Variants in ROBO1 observed in about 807,000 individuals in gnomAD.
ROBO1 encodes the protein roundabout homolog 1.
A neutral mutation model predicts 195.9 loss-of-function variants in ROBO1; 149 were observed. That is an observed-to-expected ratio of 0.76 (90% CI 0.67 to 0.87). The LOEUF is 0.87. Among genes scored for constraint, ROBO1 ranks in the 40% least tolerant of loss-of-function variants. ROBO1 has a pLI of 0.00. For missense variants in ROBO1, 1,933 were observed against 2,068.3 expected (o/e 0.93, Z 1.27); for synonymous variants, 816 against 733.2 (o/e 1.11, Z -1.82).
intron 1 of ROBO1, among the ~76,000 whole-genome samples, chr3:79,691,308 G>C (rs1341064200): frequency 6.6e-6 from 1 of 151,614 alleles, no homozygotes; most frequent in Non-Finnish European, 1.5e-5. Context: ...CAATATTCCA[G>C]GTCCCCAAAG....
At chr3:79,757,638 T>A (rs1411452331) in intron 1 of ROBO1, among the ~76,000 whole-genome samples, 2 of 152,080 alleles carry the variant, frequency 1.3e-5, no homozygotes, top group Non-Finnish European at 2.9e-5. Context: ...ATGATTGTGC[T>A]ACTGCATTTC....
At chr3:78,938,346 C>T in intron 4 of ROBO1, 1 of 424,310 alleles carries the variant, frequency 2.4e-6, no homozygotes, top group Non-Finnish European at 4.3e-6. Flanking sequence ...TTTAATAAAA[C>T]TTTCCAACAG....
In ROBO1 at chr3:78,657,112, TGA is replaced by T. The variant is rs1473866542; in HGVS notation, c.2598_2599del (p.Gln867ValfsTer14). 1 of 1,608,794 alleles carries T rather than the reference TGA, an allele frequency of 6.2e-7. No homozygotes were observed. Among genetic ancestry groups the T allele is most frequent in the Non-Finnish European group, 8.5e-7 (1 of 1,177,606 alleles). On this transcript the variant is annotated frameshift_variant, in exon 18 of 31. Coordinates refer to ENST00000464233, the MANE Select transcript of ROBO1 (RefSeq NM_002941.4). LOFTEE classifies it high-confidence loss of function. ...CTGACACTCACCCAGCTGGATGAAC[TGA>T]GGCTCACTCTTTACCCCAGACCCAG...
At chr3:79,022,024 G>A (rs1453399815) in intron 3 of ROBO1, among the ~76,000 whole-genome samples, 1 of 152,140 alleles carries the variant, frequency 6.6e-6, no homozygotes, top group African/African-American at 2.4e-5. Flanking sequence ...CTTTTGGCCA[G>A]CCCCCTGATG....
chr3:79,201,816 T>C (rs1207545327), intron 2 of ROBO1, among the ~76,000 whole-genome samples: 4 of 151,514 alleles, frequency 2.6e-5, no homozygotes, highest in Non-Finnish European at 5.9e-5. Flanking sequence ...ATTCACATAC[T>C]AGGTATTATT....
At chr3:78,863,847 G>T (rs1271195767) in intron 4 of ROBO1, among the ~76,000 whole-genome samples, 2 of 152,282 alleles carry the variant, frequency 1.3e-5, no homozygotes, top group South Asian at 4.1e-4. Context: ...ATCATTTTTG[G>T]TGAGTGCTAG....
intron 1 of ROBO1, among the ~76,000 whole-genome samples, chr3:79,701,854 T>C (rs60624565): frequency 0.014 from 2,083 of 151,922 alleles, 41 homozygotes; most frequent in African/African-American, 0.047. Flanking sequence ...GGATATATTA[T>C]ATCAAATATA....
chr3:79,259,504 T>C (rs755618840), intron 2 of ROBO1, among the ~76,000 whole-genome samples: 39 of 152,244 alleles, frequency 2.6e-4, no homozygotes, highest in South Asian at 2.1e-4. Flanking sequence ...AGCCATCCCA[T>C]TGTGCTATCA....
At chr3:79,720,792 AT>A (rs36105372) in intron 1 of ROBO1, among the ~76,000 whole-genome samples, 76,624 of 142,782 alleles carry the variant, frequency 0.54, 20,512 homozygotes, top group African/African-American at 0.59. Context: ...GGAGTTGCTA[AT>A]TTTTTTTTTT....
intron 29 of ROBO1, among the ~76,000 whole-genome samples, chr3:78,605,008 T>A (rs1703384243): frequency 3.9e-5 from 6 of 152,158 alleles, no homozygotes; most frequent in South Asian, 4.1e-4. Context: ...TTCCTCCTCA[T>A]CCCAAACTTC....
chr3:78,667,115 C>T (rs1707782027), intron 14 of ROBO1, among the ~76,000 whole-genome samples: 2 of 151,866 alleles, frequency 1.3e-5, no homozygotes, highest in African/African-American at 4.8e-5. Context: ...GGGTTGTAAT[C>T]TAAAAATTCA....
intron 2 of ROBO1, among the ~76,000 whole-genome samples, chr3:79,258,990 A>G (rs918241168): frequency 1.3e-5 from 2 of 152,180 alleles, no homozygotes; most frequent in Non-Finnish European, 2.9e-5. Flanking sequence ...ATTGAATAGC[A>G]GAGAAAACAC....
At chr3:79,273,939 A>G (rs1157698472) in intron 2 of ROBO1, among the ~76,000 whole-genome samples, 2 of 152,042 alleles carry the variant, frequency 1.3e-5, no homozygotes, top group Non-Finnish European at 2.9e-5. Context: ...CTAATAATAA[A>G]CGGGTTGATT....
intron 2 of ROBO1, among the ~76,000 whole-genome samples, chr3:79,181,633 G>A (rs945021027): frequency 1.3e-5 from 2 of 152,066 alleles, no homozygotes; most frequent in African/African-American, 4.8e-5. Flanking sequence ...TATGATAATT[G>A]TAATATTTTA....
rs141558524 is a variant in ROBO1 at position 79,627,214 on chromosome 3, C to G, written c.-50-37253G>C. ...CCAAGACAACCCTAAGCAAAAAGAA[C>G]AAAGGTGGAGGCATCACACTACCTG... On this transcript the variant is annotated intron_variant, in intron 1 of 30. Coordinates refer to ENST00000464233, the MANE Select transcript of ROBO1 (RefSeq NM_002941.4). 2.1e-4 allele frequency among the ~76,000 whole-genome samples: 32 copies of G among 152,164 alleles called. No individual in the cohort carries two copies. The East Asian group carries it at 6.0e-3, about 29-fold the overall frequency.
chr3:79,257,103 T>C (rs563377601), intron 2 of ROBO1, among the ~76,000 whole-genome samples: 2 of 152,158 alleles, frequency 1.3e-5, no homozygotes, highest in Non-Finnish European at 2.9e-5. Context: ...TTCCAGAAAG[T>C]AAGTTTGAAA....
Position 79,484,753 on chromosome 3 carries a change from A to ATTTTTTTTTTTT in ROBO1, c.88+105070_88+105071insAAAAAAAAAAAA, listed in dbSNP as rs1402757273. Among the ~76,000 whole-genome samples, 58 of 17,652 alleles carry ATTTTTTTTTTTT rather than the reference A, an allele frequency of 3.3e-3. 1 individual carries two copies. The highest frequency in any genetic ancestry group is 4.9e-3 in the South Asian group (2 of 406). The allele number at this position is 17,652 out of a possible 152,430, so 11.6% of individuals were successfully genotyped here. A position where few individuals can be genotyped will look rare whatever the true frequency, so the allele number is the denominator to read the frequency against. The stretch of plus-strand genomic sequence containing the variant: ...GTTTATACACCACTATCATTGCACT[A>ATTTTTTTTTTTT]TCTTTTTTTTTTTTTTTTTGAGACA... On this transcript the variant is annotated intron_variant, in intron 2 of 30. Coordinates refer to ENST00000464233, the MANE Select transcript of ROBO1 (RefSeq NM_002941.4).
At chr3:79,247,547 C>T (rs1008646796) in intron 2 of ROBO1, among the ~76,000 whole-genome samples, 6 of 151,610 alleles carry the variant, frequency 4.0e-5, no homozygotes, top group African/African-American at 1.2e-4. Context: ...TTTAAGGCAG[C>T]GAGAGAAGGA....
At chr3:78,601,783 A>G (rs1703186703) in intron 29 of ROBO1, among the ~76,000 whole-genome samples, 1 of 152,124 alleles carries the variant, frequency 6.6e-6, no homozygotes, top group Admixed American at 6.6e-5. Flanking sequence ...TGAAACTGAG[A>G]AAATTGATAA....
Sources: gnomAD v4.1 joint callset for allele counts (sites outside exome capture counted in the v4.1 genomes callset) on GRCh38, gnomAD v4.1.1 for gene constraint, MANE v1.5 for transcripts, NCBI Gene and HGNC (gene_info 2026-07-23, HGNC 2026-07-21) for gene names.